The following APTX variants were observed in gnomAD, a reference collection of about 807,000 sequenced individuals.
The protein encoded by APTX is aprataxin.
A neutral mutation model predicts 42.3 loss-of-function variants in APTX; 33 were observed. The observed-to-expected ratio is 0.78, with a 90% CI of 0.59 to 1.04. The LOEUF (loss-of-function observed/expected upper bound fraction) is 1.04. APTX is among the 50% of genes least tolerant of loss of function. The pLI, the probability that APTX is intolerant of heterozygous loss-of-function variation, is 0.00. For missense variants in APTX, 421 were observed against 415.1 expected, an observed-to-expected ratio of 1.01 and a Z score of -0.12; for synonymous variants, 130 against 146.7, an observed-to-expected ratio of 0.89 and a Z score of 0.82.
chr9:32,998,211 G>A (rs963501960), intron 1 of APTX, among the ~76,000 whole-genome samples: 9 of 152,198 alleles, frequency 5.9e-5, no homozygotes, highest in Admixed American at 4.6e-4. Flanking sequence ...AAAGCTCAGA[G>A]AGGTCTAAGC....
intron 6 of APTX, among the ~76,000 whole-genome samples, chr9:32,978,959 T>C (rs1374912182): frequency 1.3e-5 from 2 of 152,212 alleles, no homozygotes; most frequent in African/African-American, 4.8e-5. Context: ...AAAAGCATAT[T>C]TTTTTGGATA....
chr9:32,991,799 ACACT>A (rs2118918638), intron 1 of APTX, among the ~76,000 whole-genome samples: 1 of 151,718 alleles, frequency 6.6e-6, no homozygotes, highest in South Asian at 2.1e-4. Context: ...AAAAGGCGAG[ACACT>A]CACCAAAGAC....
chr9:33,021,960 TA>T lies in APTX; in HGVS notation c.-5+3062del, dbSNP rs771015871. On this transcript the variant is annotated intron_variant, in intron 1 of 6. Transcript: ENST00000436040. Reference sequence around the variant, plus strand: ...GGGCAACACATCAAGGCTGTTAATTTAAAAAAAAAAAAAAAAAAGGGAAACA... The same window carrying T: ...GGGCAACACATCAAGGCTGTTAATTTAAAAAAAAAAAAAAAAAGGGAAACA... 9.2e-3 allele frequency among the ~76,000 whole-genome samples: 1,160 copies of T among 126,374 alleles called. 8 individuals carry two copies. Among genetic ancestry groups the T allele is most frequent in the African/African-American group, 0.019 (631 of 33,550 alleles). The allele number at this position is 126,374 out of a possible 152,430, so 82.9% of individuals were successfully genotyped here. A position where few individuals can be genotyped will look rare whatever the true frequency, so the allele number is the denominator to read the frequency against.
intron 1 of APTX, among the ~76,000 whole-genome samples, chr9:32,993,086 G>A (rs1472104303): frequency 6.6e-6 from 1 of 152,214 alleles, no homozygotes; most frequent in East Asian, 1.9e-4. Flanking sequence ...AGCCAGAAGA[G>A]AACAGATTTT....
chr9:33,014,994 G>T (rs1044471786), intron 1 of APTX, among the ~76,000 whole-genome samples: 2 of 152,244 alleles, frequency 1.3e-5, no homozygotes, highest in African/African-American at 4.8e-5. Flanking sequence ...CAATGAGGTT[G>T]TCAGTTTAGA....
intron 1 of APTX, among the ~76,000 whole-genome samples, chr9:32,994,369 C>G (rs12375577): frequency 0.07 from 10,713 of 152,208 alleles, 504 homozygotes; most frequent in Non-Finnish European, 0.11. Flanking sequence ...TCCCTCAGGC[C>G]TGAAGTTAAG....
rs1014548288 is a variant in APTX, at chr9:32,988,701, A to G, written c.134-572T>C. On this transcript the variant is annotated intron_variant, in intron 2 of 7. Coordinates refer to ENST00000379817, the MANE Select transcript of APTX (RefSeq NM_001195248.2). Reference sequence around the variant, plus strand: ...ATCTCAGGAGGAAAAAAAAAAAAAAAAAAAAAAAAAAAGATCCATTTCTCA... The same window carrying G: ...ATCTCAGGAGGAAAAAAAAAAAAAAGAAAAAAAAAAAAGATCCATTTCTCA... 1.0e-3 allele frequency among the ~76,000 whole-genome samples: 158 copies of G among 151,552 alleles called. 1 individual carries two copies. Among genetic ancestry groups the G allele is most frequent in the Admixed American group, 7.2e-4 (11 of 15,228 alleles).
chr9:32,987,489 C>A, intron 4 of APTX, 55 bp downstream of exon 4: 1 of 1,601,226 alleles, frequency 6.2e-7, no homozygotes, highest in Non-Finnish European at 8.5e-7. Flanking sequence ...AACAATTAAG[C>A]AGTCATTATA....
intron 1 of APTX, among the ~76,000 whole-genome samples, chr9:32,997,621 G>A (rs1193060123): frequency 1.7e-4 from 2 of 11,534 alleles, no homozygotes; most frequent in Non-Finnish European, 0.01. Context: ...TCCAAGCAAA[G>A]AGAACAAGGG....
At position 32,973,307 on chromosome 9, in the gene APTX, A is replaced by G; in HGVS notation, c.*191T>C. On this transcript the variant is annotated 3_prime_UTR_variant, in exon 8 of 8. Coordinates refer to ENST00000379817, the MANE Select transcript of APTX (RefSeq NM_001195248.2). ...CCTCACCAGAGAATACATCTATGAC[A>G]AACCCAAATTCCTAATCCTGAAGTA... is the stretch of plus-strand genomic sequence containing the variant. 1 of 729,438 alleles carries G rather than the reference A, an allele frequency of 1.4e-6. No individual in the cohort carries two copies. Among genetic ancestry groups the G allele is most frequent in the Non-Finnish European group, 2.4e-6 (1 of 418,546 alleles). The allele number at this position is 729,438 out of a possible 1,614,324, so 45.2% of individuals were successfully genotyped here.
intron 1 of APTX, among the ~76,000 whole-genome samples, chr9:33,024,572 T>A (rs891567461): frequency 6.6e-6 from 1 of 152,110 alleles, no homozygotes; most frequent in African/African-American, 2.4e-5. Context: ...TCCACGGCCC[T>A]CTGTACATCA....
intron 1 of APTX, among the ~76,000 whole-genome samples, chr9:33,001,115 G>A (rs944823939): frequency 1.3e-5 from 2 of 152,088 alleles, no homozygotes; most frequent in African/African-American, 4.8e-5. Context: ...CCAAAGTGCT[G>A]GGATTACAGG....
At chr9:33,018,220 C>G (rs956743125) in intron 1 of APTX, among the ~76,000 whole-genome samples, 2 of 150,902 alleles carry the variant, frequency 1.3e-5, no homozygotes, top group South Asian at 4.2e-4. Context: ...AAGTGATTCT[C>G]CTGCCTCAGC....
intron 7 of APTX, among the ~76,000 whole-genome samples, chr9:32,973,930 G>A (rs530055823): frequency 1.4e-4 from 22 of 151,956 alleles, no homozygotes; most frequent in Non-Finnish European, 2.5e-4. Flanking sequence ...CTTTACCTCT[G>A]GTTGGCCCTT....
At chr9:32,981,284 G>T (rs867875894) in intron 6 of APTX, among the ~76,000 whole-genome samples, 1 of 152,124 alleles carries the variant, frequency 6.6e-6, no homozygotes, top group Non-Finnish European at 1.5e-5. Flanking sequence ...TCTCACTGTT[G>T]GAGAAAGTAG....
rs368573487 is a variant in APTX, at chr9:32,974,594, C to T, written c.771-33G>A. The T allele has an allele frequency of 9.7e-5, 115 of 1,185,140 alleles. No homozygotes were observed. The African/African-American group carries it at 1.4e-3, about 14-fold the overall frequency. The allele number at this position is 1,185,140 out of a possible 1,614,324, so 73.4% of individuals were successfully genotyped here. ...AAAGAAAAAAAAACTGAGCATTAAA[C>T]TCTTTAACAACTATGGCTTAATCAA... On this transcript the variant is annotated intron_variant, in intron 6 of 7. Transcript: ENST00000379817.
At position 33,001,534 on chromosome 9, in the gene APTX, C is replaced by A. The variant is rs776450263; in HGVS notation, c.-5+33G>T. 14 of 1,613,292 alleles carry A rather than the reference C, an allele frequency of 8.7e-6. No individual in the cohort carries two copies. The African/African-American group carries it at 1.3e-4, about 15-fold the overall frequency. The stretch of plus-strand genomic sequence containing the variant: ...CGCTCACCCGCGGCATTGAGCCCAG[C>A]CAGCAGAAGAGATAGGCTGACGACC... On this transcript the variant is annotated intron_variant, in intron 1 of 7. Transcript: ENST00000379817.
intron 1 of APTX, among the ~76,000 whole-genome samples, chr9:32,998,926 T>C (rs904508878): frequency 1.3e-4 from 20 of 150,778 alleles, no homozygotes; most frequent in African/African-American, 4.6e-4. Flanking sequence ...ATTGTTTATA[T>C]GCCAAAGTCA....
At chr9:32,988,252 G>T (rs1444727410) in intron 2 of APTX, 123 bp from the exon 3 acceptor site, 6 of 833,180 alleles carry the variant, frequency 7.2e-6, no homozygotes, top group Non-Finnish European at 1.2e-5. Context: ...TTTCCTTAAA[G>T]GCCTATTAGC....
Sources: gnomAD v4.1 joint callset for allele counts (sites outside exome capture counted in the v4.1 genomes callset) on GRCh38, gnomAD v4.1.1 for gene constraint, MANE v1.5 for transcripts, NCBI Gene and HGNC (gene_info 2026-07-23, HGNC 2026-07-21) for gene names.